TCEA2: variants seen among roughly 807,000 people sequenced by gnomAD.
TCEA2 encodes transcription elongation factor A protein 2.
TCEA2 carries 21 observed loss-of-function variants against 40.8 expected under a neutral mutation model. The observed-to-expected ratio is 0.51, with a 90% CI of 0.36 to 0.74. TCEA2 has a LOEUF of 0.74. TCEA2 is among the 30% of genes least tolerant of loss of function. TCEA2 has a pLI of 0.00. For missense variants in TCEA2, 326 were observed against 426.5 expected, an observed-to-expected ratio of 0.76 and a Z score of 2.08; for synonymous variants, 165 against 162.7, an observed-to-expected ratio of 1.01 and a Z score of -0.11.
At chr20:64,063,032 G>A (rs944890447), upstream of TCEA2, 3 of 230,032 alleles carry the variant, frequency 1.3e-5, no homozygotes, top group African/African-American at 4.6e-5. Context: ...GGCGACGGTG[G>A]GTCAGGACTA....
At chr20:64,068,468 C>T (rs1182836369) in intron 4 of TCEA2, among the ~76,000 whole-genome samples, 1 of 152,232 alleles carries the variant, frequency 6.6e-6, no homozygotes, top group East Asian at 1.9e-4. Context: ...TCTGGCTTCC[C>T]CCTCAGCCTC....
At chr20:64,064,193 T>C (rs2059633746) in intron 1 of TCEA2, 1 of 152,266 alleles carries the variant, frequency 6.6e-6, no homozygotes, top group Non-Finnish European at 1.5e-5. Context: ...AGAGCCGGTG[T>C]GCTTATATAA....
rs1446286548 is a variant in TCEA2, at chr20:64,072,269, A to G, written c.*89A>G. The G allele has an allele frequency of 1.4e-6, 2 of 1,471,720 alleles. No individual in the cohort carries two copies. The highest frequency in any genetic ancestry group is 1.9e-6 in the Non-Finnish European group (2 of 1,068,528). The allele number at this position is 1,471,720 out of a possible 1,614,324, so 91.2% of individuals were successfully genotyped here. On this transcript the variant is annotated 3_prime_UTR_variant, in exon 10 of 10. Coordinates refer to ENST00000343484, the MANE Select transcript of TCEA2 (RefSeq NM_003195.6). The stretch of plus-strand genomic sequence containing the variant: ...TTCTCTGGAGACCCTAGAAGGCGGC[A>G]TGTCCTGCCCTCAACCTGCCTGCCT...
At chr20:64,064,372 C>T in intron 1 of TCEA2, 1 of 152,436 alleles carries the variant, frequency 6.6e-6, no homozygotes, top group Non-Finnish European at 1.5e-5. Flanking sequence ...GGTCCAGTTC[C>T]AGCGTCATGA....
chr20:64,063,400 C>T lies in TCEA2; in HGVS notation c.72+16C>T, dbSNP rs201308894. ...GAAGAGCGCGGTGAGGGGCGCGGGC[C>T]GCCAGGACCCCGGGAACCCCGCCCC... On this transcript the variant is annotated intron_variant, in intron 1 of 9. Transcript: ENST00000343484. The T allele has an allele frequency of 4.5e-3, 6,890 of 1,543,568 alleles. 18 individuals carry two copies. Among genetic ancestry groups the T allele is most frequent in the Non-Finnish European group, 5.4e-3 (6,222 of 1,145,730 alleles).
Position 64,069,787 on chromosome 20 carries a change from G to A in TCEA2, c.483G>A (p.Ala161=), listed in dbSNP as rs138147241. 40 of 1,613,626 alleles carry A rather than the reference G, an allele frequency of 2.5e-5. No individual in the cohort carries two copies. The East Asian group carries it at 3.8e-4, about 15-fold the overall frequency. The change falls in exon 6 of 10, where the codon GCG becomes GCA. Residue 161 remains alanine (A), a synonymous_variant. Transcript: ENST00000343484. ...QTDHDHVAIG[A]DCERLSAQIE... Reference sequence around the variant, plus strand: ...CAGATGACCACGTGGCCATCGGTGCGGACTGCGAGCGCCTGTCGGCTCAGA... The same window carrying A: ...CAGATGACCACGTGGCCATCGGTGCAGACTGCGAGCGCCTGTCGGCTCAGA...
At chr20:64,055,973 G>A (rs1270003498), upstream of TCEA2, among the ~76,000 whole-genome samples, 1 of 152,106 alleles carries the variant, frequency 6.6e-6, no homozygotes, top group Non-Finnish European at 1.5e-5. The surrounding 1 kb of genome is among the most constrained non-coding windows in gnomAD (Gnocchi z 4.0). Context: ...GGCTGCCTGG[G>A]GCCTCTGGGG....
chr20:64,071,650 A>G (rs1244377732), intron 8 of TCEA2, among the ~76,000 whole-genome samples: 2 of 152,172 alleles, frequency 1.3e-5, no homozygotes, highest in Admixed American at 1.3e-4. Flanking sequence ...TCCCCAGCCA[A>G]TGTGAGCTGC....
intron 1 of TCEA2, 99 bp downstream of exon 1, chr20:64,063,483 C>A: frequency 7.6e-7 from 1 of 1,316,702 alleles, no homozygotes; most frequent in South Asian, 1.3e-5. Flanking sequence ...ACCTGAGGGG[C>A]AGGACGAGAC....
upstream of TCEA2, among the ~76,000 whole-genome samples, chr20:64,061,894 A>T (rs1340552800): frequency 2.6e-5 from 4 of 151,452 alleles, no homozygotes; most frequent in Admixed American, 2.6e-4. Context: ...ACACCTGGCT[A>T]GTTTTTGTAT....
In TCEA2 at chr20:64,070,740, C is replaced by T. The variant is rs997968198; in HGVS notation, c.819+105C>T. ...TCCCGCCTCTGCTGCATGAATTTCC[C>T]GAGCCTCTCAGTCCCTGAGTAGGCT... On this transcript the variant is annotated intron_variant, in intron 8 of 9. Coordinates refer to ENST00000343484, the MANE Select transcript of TCEA2 (RefSeq NM_003195.6). 35 of 1,424,666 alleles carry T rather than the reference C, an allele frequency of 2.5e-5. No homozygotes were observed. In the African/African-American group the frequency reaches 3.9e-4, roughly 16 times the overall value. 88.3% of individuals were successfully genotyped at this position (1,424,666 alleles called of 1,614,324 possible).
intron 1 of TCEA2, chr20:64,064,445 G>A (rs2059640696): frequency 6.6e-6 from 1 of 152,308 alleles, no homozygotes; most frequent in East Asian, 1.9e-4. Flanking sequence ...GCCTCCTGGG[G>A]GGTGGGGAGG....
chr20:64,066,929 G>A lies in TCEA2; in HGVS notation c.150G>A (p.Gly50=), dbSNP rs754085222. Residue 50 remains glycine, a synonymous_variant, in exon 3 of 10, where the codon GGG becomes GGA. Coordinates refer to ENST00000343484, the MANE Select transcript of TCEA2 (RefSeq NM_003195.6). Reference sequence around the variant, plus strand: ...TTGCCTCGTAGTCCACCCGAGTCGGGATGTCTGTCAACGCCCTTCGGAAGC... The same window carrying A: ...TTGCCTCGTAGTCCACCCGAGTCGGAATGTCTGTCAACGCCCTTCGGAAGC... ...TLHLLQSTRV[G]MSVNALRKQS... The A allele has an allele frequency of 1.9e-6, 3 of 1,614,004 alleles. No individual in the cohort carries two copies. In the East Asian group the frequency reaches 6.7e-5, roughly 36 times the overall value.
At chr20:64,069,859 G>T in intron 6 of TCEA2, 38 bp downstream of exon 6, 1 of 1,607,616 alleles carries the variant, frequency 6.2e-7, no homozygotes, top group Non-Finnish European at 8.5e-7. Flanking sequence ...TGGGTTTCTG[G>T]TGGAGTCAGG....
intron 4 of TCEA2, among the ~76,000 whole-genome samples, chr20:64,068,772 G>A (rs367628200): frequency 6.6e-6 from 1 of 152,276 alleles, no homozygotes; most frequent in South Asian, 2.1e-4. Flanking sequence ...CCACAGAGGG[G>A]ATGAGGGGAG....
At chr20:64,065,430 C>T (rs1038099688) in intron 1 of TCEA2, 7 of 152,248 alleles carry the variant, frequency 4.6e-5, no homozygotes, top group African/African-American at 1.7e-4. Context: ...CACGTGGAAA[C>T]ACATGCACGT....
chr20:64,061,518 G>A (rs1231469874), upstream of TCEA2, among the ~76,000 whole-genome samples: 2 of 151,732 alleles, frequency 1.3e-5, no homozygotes, highest in African/African-American at 2.4e-5. Context: ...CTCGTGATCC[G>A]TCTGCCTTGG....
At chr20:64,057,484 T>G (rs1331545131) in exon 1 of TCEA2, 2 of 152,398 alleles carry the variant, frequency 1.3e-5, no homozygotes, top group East Asian at 3.9e-4. Flanking sequence ...GTTCTTCAGC[T>G]GCCGAGGGCG....
upstream of TCEA2, among the ~76,000 whole-genome samples, chr20:64,059,652 G>C (rs1451617852): frequency 6.6e-6 from 1 of 152,122 alleles, no homozygotes; most frequent in African/African-American, 2.4e-5. Context: ...CCAGCCCCTG[G>C]TGGGGGCGGG....
Sources: allele counts gnomAD v4.1 joint callset (sites outside exome capture counted in the v4.1 genomes callset), GRCh38; gene constraint gnomAD v4.1.1; non-coding constraint Gnocchi (gnomAD v3.1); transcripts MANE v1.5; gene names NCBI Gene and HGNC (gene_info 2026-07-23, HGNC 2026-07-21).